Variants in PRPF31 observed in about 807,000 individuals in gnomAD.
PRPF31 encodes the protein pre-mRNA processing factor 31, also known as U4/U6 small nuclear ribonucleoprotein Prp31.
In PRPF31, 12 loss-of-function variants were observed where a neutral mutation model predicts 60.4. The observed-to-expected ratio is 0.20, with a 90% CI of 0.13 to 0.32. The LOEUF (loss-of-function observed/expected upper bound fraction) is 0.32. Among genes scored for constraint, PRPF31 ranks in the 10% least tolerant of loss-of-function variants. PRPF31 has a pLI of 1.00. For synonymous variants in PRPF31, 287 were observed against 287.9 expected (o/e 1.00, Z 0.03); for missense variants, 431 against 687.1 (o/e 0.63, Z 4.17).
chr19:54,123,274 C>T (rs1275405385), intron 5 of PRPF31, 180 bp from the exon 6 acceptor site: 13 of 656,352 alleles, frequency 2.0e-5, no homozygotes, highest in Non-Finnish European at 3.3e-5. Context: ...GGATGCTTGA[C>T]GTGGTGGAGG....
In PRPF31 at chr19:54,126,523, T is replaced by C; in HGVS notation, c.856-5T>C. 6.2e-7 allele frequency: 1 copy of C among 1,612,648 alleles called. No homozygotes were observed. The highest frequency in any genetic ancestry group is 8.5e-7 in the Non-Finnish European group (1 of 1,179,474). On this transcript the variant is annotated splice_polypyrimidine_tract_variant and splice_region_variant and intron_variant, in intron 8 of 13. Coordinates refer to ENST00000321030, the MANE Select transcript of PRPF31 (RefSeq NM_015629.4). Reference sequence around the variant, plus strand: ...AGATTCCACCCCCGTTTTCCGTTGCTCCAGGATCTGCGGCGGAAAGCGGCC... The same window carrying C: ...AGATTCCACCCCCGTTTTCCGTTGCCCCAGGATCTGCGGCGGAAAGCGGCC...
In PRPF31 at chr19:54,127,996, CG is replaced by C. The variant is rs1428233422; in HGVS notation, c.946-71del. 3 of 1,542,462 alleles carry C rather than the reference CG, an allele frequency of 1.9e-6. No homozygotes were observed. The Admixed American group carries it at 5.9e-5, about 30-fold the overall frequency. ...GATTTAACTAAGGCACGTGGATACT[CG>C]GGGGGCCCGCTCAGAGGAGGCCTGG... On this transcript the variant is annotated intron_variant, in intron 9 of 13. Coordinates refer to ENST00000321030, the MANE Select transcript of PRPF31 (RefSeq NM_015629.4).
chr19:54,123,224 G>A (rs1337358520), intron 5 of PRPF31: 1 of 604,840 alleles, frequency 1.7e-6, no homozygotes, highest in Non-Finnish European at 3.0e-6. Flanking sequence ...ACTCTGCCCG[G>A]GCTCCGTTTC....
chr19:54,122,168 G>A (rs587649514), intron 4 of PRPF31: 165 of 644,042 alleles, frequency 2.6e-4, no homozygotes, highest in East Asian at 1.2e-3. Flanking sequence ...GTAGGGCCCC[G>A]GCTCTTTCCA....
At chr19:54,125,112 G>A (rs1347216082) in intron 8 of PRPF31, 16 of 243,460 alleles carry the variant, frequency 6.6e-5, no homozygotes, top group Non-Finnish European at 1.3e-4. Context: ...GGGCAGGAGA[G>A]GTCACCAACC....
chr19:54,126,058 T>G (rs1459723980), intron 8 of PRPF31, among the ~76,000 whole-genome samples: 2 of 152,190 alleles, frequency 1.3e-5, no homozygotes, highest in African/African-American at 4.8e-5. Context: ...TGGGCTCTGT[T>G]TGCAGTTTGG....
chr19:54,121,731 G>A (rs889396617), intron 3 of PRPF31, 129 bp from the exon 4 acceptor site: 14 of 834,144 alleles, frequency 1.7e-5, no homozygotes, highest in Non-Finnish European at 2.6e-5. Context: ...ACATCAGCCT[G>A]TCCCTGGTTT....
chr19:54,123,734 C>T lies in PRPF31; in HGVS notation c.528-15C>T, dbSNP rs752713806. 1 of 1,603,708 alleles carries T rather than the reference C, an allele frequency of 6.2e-7. No homozygotes were observed. Among genetic ancestry groups the T allele is most frequent in the Non-Finnish European group, 8.5e-7 (1 of 1,176,968 alleles). Reference sequence around the variant, plus strand: ...GGCGGGAGACCCAGGAGGCTGGGCCCACCCGCCCCTGCAGGCAGCAGCTGT... The same window carrying T: ...GGCGGGAGACCCAGGAGGCTGGGCCTACCCGCCCCTGCAGGCAGCAGCTGT... On this transcript the variant is annotated splice_polypyrimidine_tract_variant and intron_variant, in intron 6 of 13. Transcript: ENST00000321030.
intron 5 of PRPF31, chr19:54,123,061 C>T (rs1054886267): frequency 1.1e-5 from 5 of 450,520 alleles, no homozygotes; most frequent in East Asian, 4.4e-5. Flanking sequence ...GGCAGGTGTG[C>T]GTGAGGGCGG....
intron 8 of PRPF31, chr19:54,125,027 T>A: frequency 2.6e-6 from 1 of 387,986 alleles, no homozygotes; most frequent in Non-Finnish European, 4.9e-6. Context: ...CACCCTCAGG[T>A]TTGACCATTC....
In PRPF31 at chr19:54,119,280, G is replaced by T. The variant is rs372709245; in HGVS notation, c.238+647G>T. Reference sequence around the variant, plus strand: ...GCCTGTAGTCCCAGCTACTCAGGAGGCTGAGGCGGGAGAATGGCGTGAACC... The same window carrying T: ...GCCTGTAGTCCCAGCTACTCAGGAGTCTGAGGCGGGAGAATGGCGTGAACC... On this transcript the variant is annotated intron_variant, in intron 3 of 13. Transcript: ENST00000321030. 2.3e-4 allele frequency among the ~76,000 whole-genome samples: 35 copies of T among 152,004 alleles called. No homozygotes were observed. In the East Asian group the frequency reaches 4.9e-3, roughly 21 times the overall value.
chr19:54,120,050 G>A (rs587597953), intron 3 of PRPF31: 4 of 152,350 alleles, frequency 2.6e-5, no homozygotes, highest in African/African-American at 9.6e-5. Context: ...AGGAGGGACT[G>A]GCTGACCCTG....
Position 54,131,524 on chromosome 19 carries a change from C to CGGGTT in PRPF31, c.*92_*93insGGGTT. The CGGGTT allele has an allele frequency of 6.6e-7, 1 of 1,520,348 alleles. No homozygotes were observed. Among genetic ancestry groups the CGGGTT allele is most frequent in the Non-Finnish European group, 8.9e-7 (1 of 1,119,262 alleles). 94.2% of individuals were successfully genotyped at this position (1,520,348 alleles called of 1,614,324 possible). A position where few individuals can be genotyped will look rare whatever the true frequency, so the allele number is the denominator to read the frequency against. ...TAGGATCGGGTTCTGGCAGGGAGAA[C>CGGGTT]CTGCCCTGCCACTGGCCCCATTGCT... On this transcript the variant is annotated 3_prime_UTR_variant, in exon 14 of 14. Transcript: ENST00000321030.
intron 9 of PRPF31, 100 bp downstream of exon 9, chr19:54,126,717 C>G: frequency 7.4e-6 from 9 of 1,208,144 alleles, no homozygotes; most frequent in Non-Finnish European, 1.1e-5. Context: ...CCAGCGAGCA[C>G]TGTCCTACCA....
intron 3 of PRPF31, among the ~76,000 whole-genome samples, chr19:54,121,162 G>A (rs2073777187): frequency 6.6e-6 from 1 of 152,106 alleles, no homozygotes; most frequent in African/African-American, 2.4e-5. Flanking sequence ...AATTAGCCGG[G>A]CATGGTGGCA....
chr19:54,126,668 G>C (rs755061436), intron 9 of PRPF31, 51 bp downstream of exon 9: 12 of 1,545,210 alleles, frequency 7.8e-6, no homozygotes, highest in Non-Finnish European at 1.1e-5. Context: ...TCTGGGCCTG[G>C]GGTGTCTCTG....
intron 11 of PRPF31, 40 bp downstream of exon 11, chr19:54,128,417 C>G (rs1257980868): frequency 6.6e-7 from 1 of 1,524,648 alleles, no homozygotes; most frequent in South Asian, 1.2e-5. Context: ...CCACAGCCAG[C>G]CAGCCGCCAC....
In PRPF31 at chr19:54,129,192, G is replaced by A. The variant is rs1043974011; in HGVS notation, c.1275+7G>A. ...GATCTCCAAGACGCTGCAGGTATGG[G>A]CCAGACCCAGGTGGGGCTGGGGACC... is the stretch of plus-strand genomic sequence containing the variant. On this transcript the variant is annotated splice_region_variant and intron_variant, in intron 12 of 13. Coordinates refer to ENST00000321030, the MANE Select transcript of PRPF31 (RefSeq NM_015629.4). 3.0e-5 allele frequency: 47 copies of A among 1,591,046 alleles called. No individual in the cohort carries two copies. Among genetic ancestry groups the A allele is most frequent in the Non-Finnish European group, 4.0e-5 (47 of 1,169,142 alleles).
chr19:54,131,440 C>T lies in PRPF31; in HGVS notation c.*8C>T, dbSNP rs374678004. ...GGCCTTATGTCCACCTGAATGACTG[C>T]GTGTGTCCAAGGTGGCTTCCCACTG... On this transcript the variant is annotated 3_prime_UTR_variant, in exon 14 of 14. Coordinates refer to ENST00000321030, the MANE Select transcript of PRPF31 (RefSeq NM_015629.4). 43 of 1,613,884 alleles carry T rather than the reference C, an allele frequency of 2.7e-5. No individual in the cohort carries two copies. The highest frequency in any genetic ancestry group is 1.6e-4 in the Middle Eastern group (1 of 6,084).
Sources: gnomAD v4.1 joint callset for allele counts (sites outside exome capture counted in the v4.1 genomes callset) on GRCh38, gnomAD v4.1.1 for gene constraint, MANE v1.5 for transcripts, NCBI Gene and HGNC (gene_info 2026-07-23, HGNC 2026-07-21) for gene names.